Variants in LYST observed in about 807,000 individuals in gnomAD.
LYST encodes lysosomal trafficking regulator.
LYST carries 192 observed loss-of-function variants against 413.6 expected under a neutral mutation model. The ratio of observed to expected loss-of-function variants is 0.46; its 90% CI spans 0.41 to 0.52. LYST has a LOEUF of 0.52. LYST is among the 20% of genes least tolerant of loss of function. LYST has a pLI of 0.00. For synonymous variants in LYST, 1,525 were observed against 1,567.3 expected, an observed-to-expected ratio of 0.97 and a Z score of 0.64; for missense variants, 3,815 against 4,499.9, an observed-to-expected ratio of 0.85 and a Z score of 4.35.
At chr1:235,803,507 T>C (rs1298442486) in intron 7 of LYST, among the ~76,000 whole-genome samples, 1 of 152,106 alleles carries the variant, frequency 6.6e-6, no homozygotes, top group African/African-American at 2.4e-5. Flanking sequence ...AAGACATTTT[T>C]TTCAAAGGGA....
intron 7 of LYST, 39 bp downstream of exon 7, chr1:235,804,465 T>G: frequency 6.5e-7 from 1 of 1,545,766 alleles, no homozygotes; most frequent in Non-Finnish European, 8.9e-7. Context: ...CCTCTGCTGG[T>G]CATACCCAAA....
chr1:235,771,538 C>T (rs888806914), intron 19 of LYST, among the ~76,000 whole-genome samples: 8 of 152,144 alleles, frequency 5.3e-5, no homozygotes, highest in East Asian at 1.9e-4. Flanking sequence ...TTTACATATG[C>T]TATCCCTGTA....
At position 235,686,178 on chromosome 1, in the gene LYST, C is replaced by A. The variant is rs1215241286; in HGVS notation, c.10800+771G>T. Among the ~76,000 whole-genome samples the A allele has an allele frequency of 6.6e-6, 1 of 152,004 alleles. No homozygotes were observed. Among genetic ancestry groups the A allele is most frequent in the South Asian group, 2.1e-4 (1 of 4,816 alleles). ...AGCCAGGAGTTCGAGACCAGCCTGGCCAACATGGCAAAACCCCATCTCTAC... is the reference window on the plus strand; with the variant it reads ...AGCCAGGAGTTCGAGACCAGCCTGGACAACATGGCAAAACCCCATCTCTAC... On this transcript the variant is annotated intron_variant, in intron 48 of 52. Coordinates refer to ENST00000389793, the MANE Select transcript of LYST (RefSeq NM_000081.4). The surrounding 1 kb of genome is among the most constrained non-coding windows in gnomAD (Gnocchi z 4.0).
At chr1:235,688,438 G>C (rs2103062102) in intron 47 of LYST, among the ~76,000 whole-genome samples, 1 of 152,298 alleles carries the variant, frequency 6.6e-6, no homozygotes, top group African/African-American at 2.4e-5. Flanking sequence ...ATTGTCCAAA[G>C]TATAGTGTCA....
chr1:235,778,515 C>T (rs756591389), intron 16 of LYST, among the ~76,000 whole-genome samples: 1 of 151,942 alleles, frequency 6.6e-6, no homozygotes, highest in Non-Finnish European at 1.5e-5. Flanking sequence ...GCTGGAATTA[C>T]AGGTGCATGC....
chr1:235,786,531 C>T (rs1670429584), intron 14 of LYST, among the ~76,000 whole-genome samples: 1 of 152,116 alleles, frequency 6.6e-6, no homozygotes. Context: ...CCATTTGACC[C>T]AGCCATCCCA....
intron 1 of LYST, among the ~76,000 whole-genome samples, chr1:235,841,270 A>G (rs1257994444): frequency 6.6e-6 from 1 of 152,252 alleles, no homozygotes; most frequent in Admixed American, 6.5e-5. Context: ...AGAAAAGAAA[A>G]ACAGAAAATA....
intron 29 of LYST, among the ~76,000 whole-genome samples, chr1:235,744,606 G>GA (rs111899529): frequency 0.4 from 59,801 of 148,594 alleles, 12,415 homozygotes; most frequent in African/African-American, 0.48. Flanking sequence ...TAGAAAAGTG[G>GA]AAAAAAAAAA....
chr1:235,678,395 G>A (rs543879617), intron 48 of LYST, among the ~76,000 whole-genome samples: 19 of 152,194 alleles, frequency 1.2e-4, no homozygotes, highest in South Asian at 4.1e-4. Context: ...TGTTACCAAC[G>A]GTAATGGGCC....
intron 45 of LYST, among the ~76,000 whole-genome samples, chr1:235,699,446 C>T (rs1558129153): frequency 6.6e-6 from 1 of 152,128 alleles, no homozygotes; most frequent in Non-Finnish European, 1.5e-5. Flanking sequence ...CATAGTATTT[C>T]ATGGTATATA....
At chr1:235,816,457 T>TAAAAAAAAAAAAAAAAAAAAAA (rs1231395765) in intron 3 of LYST, among the ~76,000 whole-genome samples, 5 of 103,412 alleles carry the variant, frequency 4.8e-5, no homozygotes, top group African/African-American at 2.5e-4. Flanking sequence ...AATAAATAAA[T>TAAAAAAAAAAAAAAAAAAAAAA]AAAAAATAAA....
Position 235,729,659 on chromosome 1 carries a change from TGTCAAAACATA to T in LYST, c.9045-13_9045-3del. 6.3e-7 allele frequency: 1 copy of T among 1,597,702 alleles called. No homozygotes were observed. Among genetic ancestry groups the T allele is most frequent in the Non-Finnish European group, 8.6e-7 (1 of 1,165,322 alleles). On this transcript the variant is annotated splice_region_variant and splice_polypyrimidine_tract_variant and intron_variant, in intron 36 of 52. Transcript: ENST00000389793. ...ACACTGATGCATCTTCGATTCACTC[TGTCAAAACATA>T]TTTAAAATTACTATGACTAAATGTT...
At chr1:235,707,604 C>A (rs1558137086) in intron 44 of LYST, among the ~76,000 whole-genome samples, 1 of 151,992 alleles carries the variant, frequency 6.6e-6, no homozygotes, top group Non-Finnish European at 1.5e-5. Flanking sequence ...GCCTGGGTGA[C>A]AGAGCAAGGC....
rs770084241 is a variant in LYST, at chr1:235,773,793, T to C, written c.5784+49A>G. 6.1e-6 allele frequency: 9 copies of C among 1,468,280 alleles called. No homozygotes were observed. The South Asian group carries it at 1.0e-4, about 17-fold the overall frequency. 91.0% of individuals were successfully genotyped at this position (1,468,280 alleles called of 1,614,324 possible). ...GCTTAAGATGGTAAATTTTGTGTTA[T>C]ATGCATTTTACCACAATAAAAAATG... On this transcript the variant is annotated intron_variant, in intron 19 of 52. Transcript: ENST00000389793.
At chr1:235,858,544 T>C (rs1679477773) in intron 1 of LYST, among the ~76,000 whole-genome samples, 1 of 152,192 alleles carries the variant, frequency 6.6e-6, no homozygotes, top group Non-Finnish European at 1.5e-5. Context: ...TCTCTAGTAC[T>C]CTTTTATTTC....
intron 1 of LYST, among the ~76,000 whole-genome samples, chr1:235,882,024 T>C (rs142248578): frequency 3.7e-4 from 56 of 151,164 alleles, no homozygotes; most frequent in African/African-American, 1.3e-3. Flanking sequence ...ATAAATTTTA[T>C]GTTATGTATA....
At chr1:235,676,988 C>A in intron 50 of LYST, 103 bp downstream of exon 50, 1 of 810,070 alleles carries the variant, frequency 1.2e-6, no homozygotes. Flanking sequence ...GTATTTAGAT[C>A]TGGCAGGGAC....
chr1:235,768,660 T>A (rs889488356), intron 20 of LYST, among the ~76,000 whole-genome samples: 3 of 152,006 alleles, frequency 2.0e-5, no homozygotes, highest in Non-Finnish European at 4.4e-5. Context: ...AATACAAAAG[T>A]GAAAAAATAT....
chr1:235,791,115 C>T (rs945686024), intron 12 of LYST, among the ~76,000 whole-genome samples: 4 of 152,130 alleles, frequency 2.6e-5, no homozygotes, highest in Admixed American at 6.6e-5. Context: ...GAAACACCAT[C>T]GCTACTAAAA....
Sources: allele counts gnomAD v4.1 joint callset (sites outside exome capture counted in the v4.1 genomes callset), GRCh38; gene constraint gnomAD v4.1.1; non-coding constraint Gnocchi (gnomAD v3.1); transcripts MANE v1.5; gene names NCBI Gene and HGNC (gene_info 2026-07-23, HGNC 2026-07-21).